Variants in TTC34 observed in about 807,000 individuals in gnomAD.
TTC34 encodes tetratricopeptide repeat domain 34.
A neutral mutation model predicts 40.7 loss-of-function variants in TTC34; 44 were observed. The observed-to-expected ratio is 1.08, with a 90% CI of 0.85 to 1.39. The LOEUF (loss-of-function observed/expected upper bound fraction) is 1.39. Among genes scored for constraint, TTC34 ranks in the 40% most tolerant of loss-of-function variants. The pLI, the probability that TTC34 is intolerant of heterozygous loss-of-function variation, is 0.00. For synonymous variants in TTC34, 422 were observed against 398.6 expected (o/e 1.06, Z -0.70); for missense variants, 884 against 838.0 (o/e 1.05, Z -0.68).
intron 5 of TTC34, among the ~76,000 whole-genome samples, chr1:2,784,917 T>C (rs1215808807): frequency 6.6e-6 from 1 of 152,078 alleles, no homozygotes; most frequent in Non-Finnish European, 1.5e-5. Context: ...CTGTGCCCCT[T>C]CTGGGTGTTG....
intron 6 of TTC34, among the ~76,000 whole-genome samples, chr1:2,765,796 C>T (rs1641773157): frequency 1.0e-4 from 2 of 20,062 alleles, no homozygotes; most frequent in African/African-American, 1.4e-3. Flanking sequence ...GCGCCCACAC[C>T]CCCGGGCGAG....
At chr1:2,685,850 C>A (rs1380512936) in intron 6 of TTC34, among the ~76,000 whole-genome samples, 1 of 149,658 alleles carries the variant, frequency 6.7e-6, no homozygotes, top group Non-Finnish European at 1.5e-5. Context: ...CCCAGGTGAG[C>A]CTCTGACAGC....
chr1:2,750,841 C>G (rs1456899136), intron 6 of TTC34, among the ~76,000 whole-genome samples: 20 of 89,070 alleles, frequency 2.2e-4, no homozygotes, highest in East Asian at 8.0e-4. Flanking sequence ...GGAGCAGTAC[C>G]CACACACCCA....
intron 6 of TTC34, among the ~76,000 whole-genome samples, chr1:2,697,554 C>CAG (rs1640923174): frequency 8.5e-6 from 1 of 117,632 alleles, no homozygotes; most frequent in South Asian, 2.5e-4. Flanking sequence ...TGGCCTGGAA[C>CAG]CGCACCCACA....
chr1:2,699,130 C>A (rs77593232), intron 6 of TTC34, among the ~76,000 whole-genome samples: 3,289 of 49,038 alleles, frequency 0.067, 2 homozygotes, highest in Non-Finnish European at 0.093. Context: ...AGTGCCCACA[C>A]CCCCAGGTTA....
chr1:2,797,139 C>T (rs1472217498), intron 2 of TTC34, among the ~76,000 whole-genome samples: 2 of 152,190 alleles, frequency 1.3e-5, no homozygotes, highest in Non-Finnish European at 2.9e-5. Context: ...TAGCTGCCTG[C>T]ACTCCGTATG....
At chr1:2,687,608 C>A (rs1226570609) in intron 6 of TTC34, among the ~76,000 whole-genome samples, 2 of 151,334 alleles carry the variant, frequency 1.3e-5, no homozygotes, top group Admixed American at 1.3e-4. Context: ...CACCCACACC[C>A]CCAGGTGAGC....
chr1:2,699,554 G>A (rs1176872597), intron 6 of TTC34, among the ~76,000 whole-genome samples: 1 of 132,854 alleles, frequency 7.5e-6, no homozygotes, highest in African/African-American at 2.6e-5. Context: ...GCATCTGACA[G>A]CCTGGAGCAG....
intron 6 of TTC34, among the ~76,000 whole-genome samples, chr1:2,656,249 C>G (rs1439092789): frequency 1.3e-5 from 2 of 151,766 alleles, no homozygotes; most frequent in African/African-American, 4.8e-5. Context: ...TGGAACAGCA[C>G]ACACACACCC....
intron 6 of TTC34, among the ~76,000 whole-genome samples, chr1:2,772,913 C>G (rs1348242924): frequency 1.3e-5 from 1 of 79,570 alleles, no homozygotes; most frequent in East Asian, 5.1e-4. Flanking sequence ...GGTGAGCATT[C>G]GACAGCCTGG....
chr1:2,697,882 ACACCAAC>A (rs1640943283), intron 6 of TTC34, among the ~76,000 whole-genome samples: 3 of 126,586 alleles, frequency 2.4e-5, no homozygotes, highest in South Asian at 3.0e-4. Context: ...AGCAGCACCC[ACACCAAC>A]AGGTGAGCAT....
chr1:2,677,008 ACT>A (rs1639929823), intron 6 of TTC34, among the ~76,000 whole-genome samples: 10 of 39,412 alleles, frequency 2.5e-4, no homozygotes, highest in Non-Finnish European at 6.7e-4. Flanking sequence ...AGCACCCACC[ACT>A]CCCAGGCCAG....
chr1:2,653,855 G>A (rs28703183), intron 6 of TTC34, among the ~76,000 whole-genome samples: 9 of 146,144 alleles, frequency 6.2e-5, no homozygotes, highest in African/African-American at 2.1e-4. Flanking sequence ...CACAGCCCAA[G>A]GTGAGCATCT....
chr1:2,691,618 C>G (rs1569591510), intron 6 of TTC34, among the ~76,000 whole-genome samples: 1 of 118,808 alleles, frequency 8.4e-6, no homozygotes, highest in African/African-American at 3.0e-5. Flanking sequence ...GAACAGCACC[C>G]TGCACCCCCA....
At chr1:2,690,408 C>T (rs1405124608) in intron 6 of TTC34, among the ~76,000 whole-genome samples, 1 of 151,930 alleles carries the variant, frequency 6.6e-6, no homozygotes, top group African/African-American at 2.4e-5. Context: ...CCCAACGGAG[C>T]AGAACCCAGA....
exon 3 of TTC34, chr1:2,789,796 C>G (rs146841190): frequency 0.023 from 11,188 of 494,570 alleles, 1,079 homozygotes; most frequent in African/African-American, 0.2. Flanking sequence ...GGTGCGGCGC[C>G]CCCTGCTCCA....
intron 2 of TTC34, among the ~76,000 whole-genome samples, chr1:2,792,048 G>A (rs1217631397): frequency 5.0e-5 from 3 of 60,416 alleles, no homozygotes; most frequent in Non-Finnish European, 1.0e-4. Flanking sequence ...ACAGGGTCTT[G>A]CTCCATCACC....
Position 2,783,663 on chromosome 1 carries a change from G to A in TTC34, c.2172C>T (p.Asn724=), listed in dbSNP as rs761612404. The change falls in exon 6 of 9, where the codon AAC becomes AAT. Residue 724 remains asparagine, a synonymous_variant. Coordinates refer to ENST00000401095, the Ensembl canonical transcript of TTC34. Reference sequence around the variant, plus strand: ...ACGCCCGTCCACACAGTGCCTGCACGTTCCCCGGCTCAGCCCGCAGCACTG... The same window carrying A: ...ACGCCCGTCCACACAGTGCCTGCACATTCCCCGGCTCAGCCCGCAGCACTG... The A allele has an allele frequency of 6.1e-4, 929 of 1,533,054 alleles. 1 individual carries two copies. Among genetic ancestry groups the A allele is most frequent in the Non-Finnish European group, 7.5e-4 (850 of 1,136,374 alleles). 95.0% of individuals were successfully genotyped at this position (1,533,054 alleles called of 1,614,324 possible). A position where few individuals can be genotyped will look rare whatever the true frequency, so the allele number is the denominator to read the frequency against.
At chr1:2,768,362 G>T (rs1370514901) in intron 6 of TTC34, among the ~76,000 whole-genome samples, 59 of 152,046 alleles carry the variant, frequency 3.9e-4, no homozygotes, top group Non-Finnish European at 7.1e-4. Flanking sequence ...GGGACGCGTG[G>T]AAAACCATGC....
Sources: gnomAD v4.1 joint callset for allele counts (sites outside exome capture counted in the v4.1 genomes callset) on GRCh38, gnomAD v4.1.1 for gene constraint, MANE v1.5 for transcripts, NCBI Gene and HGNC (gene_info 2026-07-23, HGNC 2026-07-21) for gene names.